PITPNC1: variants seen among roughly 807,000 people sequenced by gnomAD.
PITPNC1 encodes cytoplasmic phosphatidylinositol transfer protein 1.
Under a neutral mutation model 44.7 loss-of-function variants are expected in PITPNC1, and 18 were observed. That is an observed-to-expected ratio of 0.40 (90% CI 0.28 to 0.60). The LOEUF (loss-of-function observed/expected upper bound fraction) is 0.60. Ranked by LOEUF, PITPNC1 falls within the 20% of genes least tolerant of loss-of-function variation. The pLI is 0.39. For synonymous variants in PITPNC1, 141 were observed against 149.6 expected (o/e 0.94, Z 0.42); for missense variants, 290 against 418.4 (o/e 0.69, Z 2.68).
chr17:67,596,474 C>T (rs1320153150), intron 5 of PITPNC1, among the ~76,000 whole-genome samples: 1 of 151,906 alleles, frequency 6.6e-6, no homozygotes, highest in Non-Finnish European at 1.5e-5. Flanking sequence ...ATACTGTTCC[C>T]TATTTCTTTG....
Position 67,583,901 on chromosome 17 carries a change from GTGTGTGTGTGTT to G in PITPNC1, c.366+5650_366+5661del, listed in dbSNP as rs1568052096. On this transcript the variant is annotated intron_variant, in intron 5 of 8. Coordinates refer to ENST00000581322, the MANE Select transcript of PITPNC1 (RefSeq NM_012417.4). ...TGTGTGTGTGTGTGTGTGTGTTTGT[GTGTGTGTGTGTT>G]TGTGTTTAGTAGAGATGGAGTGTCA... is the stretch of plus-strand genomic sequence containing the variant. 2.2e-3 allele frequency among the ~76,000 whole-genome samples: 308 copies of G among 139,706 alleles called. 1 individual carries two copies. Among genetic ancestry groups the G allele is most frequent in the Middle Eastern group, 7.4e-3 (2 of 272 alleles). 91.7% of individuals were successfully genotyped at this position (139,706 alleles called of 152,430 possible).
chr17:67,649,913 G>A (rs1598932531), intron 6 of PITPNC1, among the ~76,000 whole-genome samples: 1 of 152,102 alleles, frequency 6.6e-6, no homozygotes, highest in East Asian at 1.9e-4. Context: ...GGGGGGTGGG[G>A]ACTTGGGGCT....
intron 8 of PITPNC1, among the ~76,000 whole-genome samples, chr17:67,689,048 C>T (rs1372670777): frequency 2.0e-5 from 3 of 151,950 alleles, no homozygotes; most frequent in Non-Finnish European, 4.4e-5. Flanking sequence ...ACTAAAAATA[C>T]AAAATTAGCT....
At chr17:67,660,757 G>T (rs1424559914) in intron 6 of PITPNC1, among the ~76,000 whole-genome samples, 1 of 151,804 alleles carries the variant, frequency 6.6e-6, no homozygotes, top group African/African-American at 2.4e-5. Context: ...TGTTGGCCAG[G>T]CTGGTCTCGA....
chr17:67,693,378 G>A lies in PITPNC1; in HGVS notation c.*490G>A, dbSNP rs2042962086. 1 of 152,830 alleles carries A rather than the reference G, an allele frequency of 6.5e-6. No homozygotes were observed. The highest frequency in any genetic ancestry group is 1.5e-5 in the Non-Finnish European group (1 of 68,226). 9.5% of individuals were successfully genotyped at this position (152,830 alleles called of 1,614,324 possible). A position where few individuals can be genotyped will look rare whatever the true frequency, so the allele number is the denominator to read the frequency against. ...CAATAGTTACTGAGATTCCTATTTT[G>A]TGGTTAGTCTGACTCAGGATTTGGA... On this transcript the variant is annotated 3_prime_UTR_variant, in exon 9 of 9. Transcript: ENST00000581322.
intron 1 of PITPNC1, among the ~76,000 whole-genome samples, chr17:67,471,810 G>A (rs549196931): frequency 1.1e-4 from 16 of 151,962 alleles, no homozygotes; most frequent in East Asian, 7.9e-4. Flanking sequence ...CTAAACTCCC[G>A]ACTTTCTTCA....
intron 5 of PITPNC1, among the ~76,000 whole-genome samples, chr17:67,584,971 C>T (rs912212948): frequency 1.3e-5 from 2 of 152,056 alleles, no homozygotes; most frequent in African/African-American, 4.8e-5. Context: ...AAAAAATTAG[C>T]TGGGCATGGT....
At chr17:67,439,261 G>A (rs976038146) in intron 1 of PITPNC1, among the ~76,000 whole-genome samples, 2 of 152,092 alleles carry the variant, frequency 1.3e-5, no homozygotes, top group Non-Finnish European at 2.9e-5. Flanking sequence ...ACCAAGCACT[G>A]TATTTAGTTA....
At chr17:67,421,052 G>C (rs1272661926) in intron 1 of PITPNC1, among the ~76,000 whole-genome samples, 1 of 152,028 alleles carries the variant, frequency 6.6e-6, no homozygotes, top group African/African-American at 2.4e-5. Flanking sequence ...GGTGCAGAAG[G>C]GAAGATGACA....
chr17:67,437,300 A>T (rs1456314244), intron 1 of PITPNC1, among the ~76,000 whole-genome samples: 1 of 152,188 alleles, frequency 6.6e-6, no homozygotes, highest in South Asian at 2.1e-4. Context: ...ACCTGTATCC[A>T]ATGACTGATG....
chr17:67,432,178 C>T (rs1317511648), intron 1 of PITPNC1, among the ~76,000 whole-genome samples: 3 of 152,184 alleles, frequency 2.0e-5, no homozygotes, highest in African/African-American at 4.8e-5. Context: ...GAAGAATTGT[C>T]TTGGACCACA....
At chr17:67,607,247 T>C (rs2041619694) in intron 5 of PITPNC1, among the ~76,000 whole-genome samples, 1 of 152,192 alleles carries the variant, frequency 6.6e-6, no homozygotes, top group Non-Finnish European at 1.5e-5. Context: ...GACTACCTCC[T>C]CCCTTTAAGC....
intron 1 of PITPNC1, among the ~76,000 whole-genome samples, chr17:67,405,813 C>T (rs2038388914): frequency 6.6e-6 from 1 of 151,892 alleles, no homozygotes; most frequent in South Asian, 2.1e-4. Context: ...CGCCATGTTG[C>T]CCAGGCTGGT....
chr17:67,434,468 TCTGCACAGAG>T (rs2038903256), intron 1 of PITPNC1, among the ~76,000 whole-genome samples: 1 of 151,820 alleles, frequency 6.6e-6, no homozygotes, highest in East Asian at 2.0e-4. Context: ...CTTAGGGCCC[TCTGCACAGAG>T]CTGTAATCTT....
At chr17:67,558,894 G>A (rs2040872390) in intron 4 of PITPNC1, among the ~76,000 whole-genome samples, 1 of 152,176 alleles carries the variant, frequency 6.6e-6, no homozygotes, top group Admixed American at 6.6e-5. Context: ...ATTACTCAGG[G>A]CTGGTTTAGA....
intron 2 of PITPNC1, among the ~76,000 whole-genome samples, chr17:67,547,024 T>C (rs2040694255): frequency 6.6e-6 from 1 of 152,342 alleles, no homozygotes. Flanking sequence ...ATTGCCAGTT[T>C]TAGTACAAGA....
chr17:67,678,218 T>TAAA (rs3028851), intron 8 of PITPNC1, among the ~76,000 whole-genome samples: 81,627 of 145,918 alleles, frequency 0.56, 23,664 homozygotes, highest in Non-Finnish European at 0.64. Flanking sequence ...CTCGTCTCTT[T>TAAA]AAAAAAAAAA....
chr17:67,512,333 C>T (rs1408585037), intron 1 of PITPNC1, among the ~76,000 whole-genome samples: 4 of 152,120 alleles, frequency 2.6e-5, no homozygotes, highest in Non-Finnish European at 2.9e-5. Flanking sequence ...AACCCCGTCT[C>T]TACTAAAATA....
chr17:67,682,932 C>T (rs533588266), intron 8 of PITPNC1, among the ~76,000 whole-genome samples: 116 of 152,010 alleles, frequency 7.6e-4, no homozygotes, highest in African/African-American at 2.6e-3. Flanking sequence ...GAGGCCGAGG[C>T]GGGTGAATCA....
Sources: gnomAD v4.1 joint callset for allele counts (sites outside exome capture counted in the v4.1 genomes callset) on GRCh38, gnomAD v4.1.1 for gene constraint, MANE v1.5 for transcripts, NCBI Gene and HGNC (gene_info 2026-07-23, HGNC 2026-07-21) for gene names.